The following C18orf54 variants were observed in gnomAD, a reference collection of about 807,000 sequenced individuals.
C18orf54 encodes lung adenoma susceptibility protein 2.
C18orf54 carries 49 observed loss-of-function variants against 49.3 expected under a neutral mutation model. The ratio of observed to expected loss-of-function variants is 0.99; its 90% confidence interval spans 0.79 to 1.26. The LOEUF (loss-of-function observed/expected upper bound fraction) is 1.26, where lower values mean the gene tolerates loss of function less well. C18orf54 is among the 50% of genes most tolerant of loss of function. C18orf54 has a pLI of 0.00. For missense variants in C18orf54, 687 were observed against 620.6 expected, an observed-to-expected ratio of 1.11 and a Z score of -1.14; for synonymous variants, 211 against 216.6, an observed-to-expected ratio of 0.97 and a Z score of 0.23.
At chr18:54,375,061 CT>C (rs139985678) in intron 8 of C18orf54, among the ~76,000 whole-genome samples, 3,157 of 152,012 alleles carry the variant, frequency 0.021, 54 homozygotes, top group Middle Eastern at 0.048. Context: ...TGTATGATTA[CT>C]TTTTTCTCTC....
In C18orf54 at chr18:54,362,916, T is replaced by C; in HGVS notation, c.1218T>C (p.Val406=). Residue 406 remains valine, a synonymous_variant, in exon 5 of 9, where the codon GTT becomes GTC. Coordinates refer to ENST00000620105, the MANE Select transcript of C18orf54 (RefSeq NM_001288980.2). The stretch of plus-strand genomic sequence containing the variant: ...ACAGATCATGGGAAAATATTCCTGT[T>C]ACTTTGTAAGTAAGTGGCAATGGAA... ...EADRSWENIP[V]TFKSPVPVNS... The C allele has an allele frequency of 6.3e-7, 1 of 1,591,206 alleles. No individual in the cohort carries two copies. The highest frequency in any genetic ancestry group is 8.5e-7 in the Non-Finnish European group (1 of 1,174,394).
chr18:54,360,997 A>G (rs1177881266), intron 3 of C18orf54, 142 bp downstream of exon 3: 3 of 778,616 alleles, frequency 3.9e-6, no homozygotes, highest in Non-Finnish European at 4.0e-6. Context: ...TGTTTTTGTA[A>G]AATGATTATA....
intron 8 of C18orf54, among the ~76,000 whole-genome samples, chr18:54,375,208 A>G (rs1219788503): frequency 6.6e-6 from 1 of 151,906 alleles, no homozygotes. Flanking sequence ...ATGTTTACCA[A>G]ATTTCAGTAT....
rs7234566 is a variant in C18orf54 at position 54,357,945 on chromosome 18, G to T, written c.-274G>T. The stretch of plus-strand genomic sequence containing the variant: ...GTTTGAAAGCGAGCGCGGGTGTCGA[G>T]CTCTGCTGTGACTGCGGAGGAAGCT... On this transcript the variant is annotated 5_prime_UTR_variant, in exon 1 of 9. Coordinates refer to ENST00000620105, the MANE Select transcript of C18orf54 (RefSeq NM_001288980.2). 0.11 allele frequency: 16,623 copies of T among 152,414 alleles called. 3,065 individuals are homozygous for T. The highest frequency in any genetic ancestry group is 0.38 in the African/African-American group (15,762 of 41,468). 9.4% of individuals were successfully genotyped at this position (152,414 alleles called of 1,614,324 possible). A position where few individuals can be genotyped will look rare whatever the true frequency, so the allele number is the denominator to read the frequency against.
At chr18:54,359,501 A>G (rs923722925) in intron 2 of C18orf54, among the ~76,000 whole-genome samples, 4 of 152,216 alleles carry the variant, frequency 2.6e-5, no homozygotes, top group African/African-American at 9.7e-5. Context: ...CTCTTATTTA[A>G]TTAGAAAACT....
At chr18:54,374,410 G>A in intron 8 of C18orf54, 126 bp downstream of exon 8, 1 of 955,914 alleles carries the variant, frequency 1.0e-6, no homozygotes, top group Non-Finnish European at 1.3e-6. Flanking sequence ...GCTTCTTGGA[G>A]CACACTGTTT....
chr18:54,363,506 C>T (rs540601228), intron 5 of C18orf54, among the ~76,000 whole-genome samples: 201 of 151,748 alleles, frequency 1.3e-3, no homozygotes, highest in Non-Finnish European at 2.2e-3. Context: ...TTAGTAGAGA[C>T]GGGGTTTCAC....
rs1363877156 is a variant in C18orf54 at position 54,381,167 on chromosome 18, G to A, written c.*2921G>A. 2 of 151,814 alleles carry A rather than the reference G, an allele frequency of 1.3e-5. No homozygotes were observed. The highest frequency in any genetic ancestry group is 2.4e-5 in the African/African-American group (1 of 41,316). The allele number at this position is 151,814 out of a possible 1,614,324, so 9.4% of individuals were successfully genotyped here. ...GCATATTGTTAGATATTTTTCCTGT[G>A]ACATTTGAAGTTATTATTCTCCCAT... On this transcript the variant is annotated 3_prime_UTR_variant, in exon 9 of 9. Coordinates refer to ENST00000620105, the MANE Select transcript of C18orf54 (RefSeq NM_001288980.2).
chr18:54,374,254 G>A lies in C18orf54; in HGVS notation c.1499G>A (p.Ser500Asn), dbSNP rs113735998. ...DDFSKLQLKE[S>N]MIPITRSLQK... Reference sequence around the variant, plus strand: ...TTCTCTAAATTACAGTTGAAGGAAAGTATGATTCCTATTACTAGGTCACTT... The same window carrying A: ...TTCTCTAAATTACAGTTGAAGGAAAATATGATTCCTATTACTAGGTCACTT... Residue 500 changes from serine to asparagine, a missense_variant, in exon 8 of 9, where the codon AGT becomes AAT. Transcript: ENST00000620105. The A allele has an allele frequency of 7.7e-4, 1,224 of 1,584,866 alleles. 16 individuals carry two copies. The African/African-American group carries it at 0.012, about 16-fold the overall frequency.
intron 6 of C18orf54, among the ~76,000 whole-genome samples, chr18:54,371,823 C>T (rs576900969): frequency 9.2e-5 from 14 of 152,136 alleles, no homozygotes; most frequent in Admixed American, 2.6e-4. Context: ...GACACAGAAA[C>T]TCATTTGAAA....
At chr18:54,375,709 T>G (rs1025449818) in intron 8 of C18orf54, among the ~76,000 whole-genome samples, 3 of 151,992 alleles carry the variant, frequency 2.0e-5, no homozygotes, top group Non-Finnish European at 2.9e-5. Flanking sequence ...TAGTAACTTT[T>G]TTTCTACTAT....
At chr18:54,376,218 T>C (rs1334329273) in intron 8 of C18orf54, among the ~76,000 whole-genome samples, 2 of 152,224 alleles carry the variant, frequency 1.3e-5, no homozygotes, top group Non-Finnish European at 2.9e-5. Context: ...TATATTTCAT[T>C]AGCCATAGGG....
chr18:54,359,810 G>T (rs1236095910), intron 2 of C18orf54, among the ~76,000 whole-genome samples: 1 of 152,142 alleles, frequency 6.6e-6, no homozygotes, highest in Non-Finnish European at 1.5e-5. Context: ...AAAAACAGAA[G>T]AACACATTGA....
intron 2 of C18orf54, among the ~76,000 whole-genome samples, chr18:54,359,774 A>T (rs574383571): frequency 7.9e-4 from 120 of 152,314 alleles, no homozygotes; most frequent in Admixed American, 1.2e-3. Context: ...TGAGGTAGAC[A>T]GGGATTCTCT....
At chr18:54,359,760 G>A (rs989217854) in intron 2 of C18orf54, among the ~76,000 whole-genome samples, 2 of 152,122 alleles carry the variant, frequency 1.3e-5, no homozygotes, top group Non-Finnish European at 2.9e-5. Context: ...TCCTGTTACT[G>A]TACTGAGGTA....
Position 54,379,363 on chromosome 18 carries a change from G to A in C18orf54, c.*1117G>A, listed in dbSNP as rs1026332080. 1 of 152,006 alleles carries A rather than the reference G, an allele frequency of 6.6e-6. No homozygotes were observed. The highest frequency in any genetic ancestry group is 2.4e-5 in the African/African-American group (1 of 41,420). The allele number at this position is 152,006 out of a possible 1,614,324, so 9.4% of individuals were successfully genotyped here. On this transcript the variant is annotated 3_prime_UTR_variant, in exon 9 of 9. Transcript: ENST00000620105. ...GTTAACACTTCACCCAAATGATAGC[G>A]TTTTTCCTCAGTAGATTATTGTCAA... is the stretch of plus-strand genomic sequence containing the variant.
rs531988421 is a variant in C18orf54 at position 54,378,503 on chromosome 18, A to G, written c.*257A>G. ...GAAGTCTTACTTTCGCCTTCTGGCCAGCAAATGTCTAATATTTAAAGATGG... is the reference window on the plus strand; with the variant it reads ...GAAGTCTTACTTTCGCCTTCTGGCCGGCAAATGTCTAATATTTAAAGATGG... On this transcript the variant is annotated 3_prime_UTR_variant, in exon 9 of 9. Transcript: ENST00000620105. 3 of 256,728 alleles carry G rather than the reference A, an allele frequency of 1.2e-5. No homozygotes were observed. The highest frequency in any genetic ancestry group is 2.6e-4 in the South Asian group (2 of 7,822). The allele number at this position is 256,728 out of a possible 1,614,324, so 15.9% of individuals were successfully genotyped here.
chr18:54,376,480 C>T (rs988978884), intron 8 of C18orf54, among the ~76,000 whole-genome samples: 3 of 151,298 alleles, frequency 2.0e-5, no homozygotes, highest in African/African-American at 7.3e-5. Context: ...ATTACAGGCA[C>T]GTGCCACCAT....
chr18:54,370,072 C>T (rs988862607), intron 6 of C18orf54, among the ~76,000 whole-genome samples: 8 of 151,876 alleles, frequency 5.3e-5, no homozygotes, highest in African/African-American at 1.9e-4. Flanking sequence ...GTCAGGAGAT[C>T]GAGACCATCC....
Sources: allele counts gnomAD v4.1 joint callset (sites outside exome capture counted in the v4.1 genomes callset), GRCh38; gene constraint gnomAD v4.1.1; transcripts MANE v1.5; gene names NCBI Gene and HGNC (gene_info 2026-07-23, HGNC 2026-07-21).